Variants in TMED10 observed in about 807,000 individuals in gnomAD.
TMED10 encodes transmembrane emp24 domain-containing protein 10.
Under a neutral mutation model 23.1 loss-of-function variants are expected in TMED10, and 7 were observed. The observed-to-expected ratio is 0.30, with a 90% CI of 0.17 to 0.57. The LOEUF (loss-of-function observed/expected upper bound fraction) is 0.57. Ranked by LOEUF, TMED10 falls within the 20% of genes least tolerant of loss-of-function variation. The pLI, the probability that TMED10 is intolerant of heterozygous loss-of-function variation, is 0.91. For synonymous variants in TMED10, 113 were observed against 106.9 expected (o/e 1.06, Z -0.35); for missense variants, 162 against 274.8 (o/e 0.59, Z 2.90).
At chr14:75,167,434 A>G (rs1487341882) in intron 1 of TMED10, among the ~76,000 whole-genome samples, 1 of 64,904 alleles carries the variant, frequency 1.5e-5, no homozygotes. Flanking sequence ...CCTCGCCCCC[A>G]CCCCCACCAC....
chr14:75,148,382 A>G (rs1895913952), intron 2 of TMED10, among the ~76,000 whole-genome samples: 1 of 152,084 alleles, frequency 6.6e-6, no homozygotes, highest in South Asian at 2.1e-4. Context: ...AGCCCTTAAA[A>G]GAGTTACAAC....
chr14:75,148,101 T>C (rs1372135658), intron 2 of TMED10, among the ~76,000 whole-genome samples: 5 of 151,966 alleles, frequency 3.3e-5, no homozygotes, highest in Non-Finnish European at 7.4e-5. Context: ...CAGTGTGAAA[T>C]TGAGTGGCAT....
At position 75,147,756 on chromosome 14, in the gene TMED10, G is replaced by A. The variant is rs750880024; in HGVS notation, c.338-19C>T. 2 of 1,613,654 alleles carry A rather than the reference G, an allele frequency of 1.2e-6. No homozygotes were observed. The highest frequency in any genetic ancestry group is 2.7e-5 in the African/African-American group (2 of 74,856). Reference sequence around the variant, plus strand: ...CCTGTTCCTGAGAAAGAAATCAAAGGAATCATTGTGTGAAATACTTAAAAT... The same window carrying A: ...CCTGTTCCTGAGAAAGAAATCAAAGAAATCATTGTGTGAAATACTTAAAAT... On this transcript the variant is annotated intron_variant, in intron 2 of 4. Coordinates refer to ENST00000303575, the MANE Select transcript of TMED10 (RefSeq NM_006827.6).
intron 1 of TMED10, among the ~76,000 whole-genome samples, chr14:75,161,841 C>T (rs1261764988): frequency 2.0e-5 from 3 of 150,852 alleles, no homozygotes; most frequent in Non-Finnish European, 4.4e-5. Context: ...AAAAAGGTAC[C>T]AGAAAAAGAT....
chr14:75,141,646 G>A (rs1340677557), intron 3 of TMED10, among the ~76,000 whole-genome samples: 1 of 152,166 alleles, frequency 6.6e-6, no homozygotes, highest in African/African-American at 2.4e-5. Context: ...TCACAGCTTG[G>A]TGCAGTTGGC....
At chr14:75,163,795 G>T (rs1896115077) in intron 1 of TMED10, among the ~76,000 whole-genome samples, 2 of 151,882 alleles carry the variant, frequency 1.3e-5, no homozygotes, top group South Asian at 4.2e-4. Flanking sequence ...GTTATTGTGA[G>T]GATTTTTTTT....
At chr14:75,147,785 G>C in intron 2 of TMED10, 48 bp from the exon 3 acceptor site, 1 of 1,597,518 alleles carries the variant, frequency 6.3e-7, no homozygotes, top group Non-Finnish European at 8.5e-7. Context: ...TTAAAATTCT[G>C]GGAAATTACC....
At chr14:75,168,364 T>C (rs1404858690) in intron 1 of TMED10, among the ~76,000 whole-genome samples, 1 of 152,242 alleles carries the variant, frequency 6.6e-6, no homozygotes, top group Admixed American at 6.5e-5. Flanking sequence ...TAAATATTTG[T>C]TGAATGAATG....
chr14:75,164,566 TATATATATA>T (rs1896133819), intron 1 of TMED10, among the ~76,000 whole-genome samples: 1 of 2,830 alleles, frequency 3.5e-4, no homozygotes, highest in African/African-American at 9.3e-4. Flanking sequence ...TATATATATA[TATATATATA>T]TATTTTTTTT....
intron 1 of TMED10, among the ~76,000 whole-genome samples, chr14:75,161,048 A>G (rs1257092021): frequency 6.6e-6 from 1 of 152,202 alleles, no homozygotes; most frequent in East Asian, 1.9e-4. Context: ...CATCTCAAGA[A>G]AAAAAGAGAA....
intron 3 of TMED10, among the ~76,000 whole-genome samples, chr14:75,137,363 T>G (rs1895762547): frequency 6.7e-6 from 1 of 149,460 alleles, no homozygotes; most frequent in Admixed American, 6.7e-5. Context: ...AGTTTCCACA[T>G]AGAGAATTCT....
At chr14:75,160,529 A>G (rs1896073599) in intron 1 of TMED10, among the ~76,000 whole-genome samples, 1 of 152,210 alleles carries the variant, frequency 6.6e-6, no homozygotes, top group South Asian at 2.1e-4. Flanking sequence ...TTGGTGAATC[A>G]ATAACTGCTA....
chr14:75,155,511 C>T (rs1166337802), intron 1 of TMED10, among the ~76,000 whole-genome samples: 1 of 152,174 alleles, frequency 6.6e-6, no homozygotes, highest in African/African-American at 2.4e-5. Flanking sequence ...TTGTGGTATT[C>T]ACTTCACAAT....
chr14:75,139,446 A>G (rs764302603), intron 3 of TMED10, among the ~76,000 whole-genome samples: 27 of 152,032 alleles, frequency 1.8e-4, no homozygotes, highest in South Asian at 4.1e-4. Flanking sequence ...TCAAATTCCT[A>G]TCTTCAAAGT....
chr14:75,147,801 A>ACCCG (rs3832966), intron 2 of TMED10, 64 bp from the exon 3 acceptor site: 617,351 of 1,264,408 alleles, frequency 0.49, 150,989 homozygotes, highest in East Asian at 0.83. Context: ...TTACCCACCC[A>ACCCG]CCCGCCCGCC....
chr14:75,172,867 C>T (rs1594877126), intron 1 of TMED10, among the ~76,000 whole-genome samples: 2 of 152,074 alleles, frequency 1.3e-5, no homozygotes, highest in South Asian at 4.1e-4. Flanking sequence ...AATCAATGCC[C>T]GAACCAATCT....
chr14:75,142,803 C>T (rs1288690565), intron 3 of TMED10, among the ~76,000 whole-genome samples: 1 of 152,216 alleles, frequency 6.6e-6, no homozygotes, highest in African/African-American at 2.4e-5. Flanking sequence ...GCTGCTGGTC[C>T]CCTGAAGCAA....
chr14:75,158,094 C>A (rs997734465), intron 1 of TMED10, among the ~76,000 whole-genome samples: 5 of 152,190 alleles, frequency 3.3e-5, no homozygotes, highest in African/African-American at 1.2e-4. Context: ...CTAATAGAAT[C>A]TTTGCATCAG....
rs1895720424 is a variant in TMED10, at chr14:75,134,187, A to G, written c.*698T>C. 6.5e-6 allele frequency: 1 copy of G among 154,558 alleles called. No individual in the cohort carries two copies. Among genetic ancestry groups the G allele is most frequent in the Non-Finnish European group, 1.4e-5 (1 of 69,588 alleles). 9.6% of individuals were successfully genotyped at this position (154,558 alleles called of 1,614,324 possible). A position where few individuals can be genotyped will look rare whatever the true frequency, so the allele number is the denominator to read the frequency against. ...TTCTGTCTCTTGTGATGGTGGTCACATGAATCTACACATGTGATAATATTG... is the reference window on the plus strand; with the variant it reads ...TTCTGTCTCTTGTGATGGTGGTCACGTGAATCTACACATGTGATAATATTG... On this transcript the variant is annotated 3_prime_UTR_variant, in exon 5 of 5. Transcript: ENST00000303575.
Sources: gnomAD v4.1 joint callset for allele counts (sites outside exome capture counted in the v4.1 genomes callset) on GRCh38, gnomAD v4.1.1 for gene constraint, MANE v1.5 for transcripts, NCBI Gene and HGNC (gene_info 2026-07-23, HGNC 2026-07-21) for gene names.